Variants in PTPRT observed in about 807,000 individuals in gnomAD.
PTPRT encodes receptor-type tyrosine-protein phosphatase T.
Under a neutral mutation model 176.8 loss-of-function variants are expected in PTPRT, and 56 were observed. The observed-to-expected ratio is 0.32, with a 90% CI of 0.26 to 0.40. The LOEUF is 0.40. Ranked by LOEUF, PTPRT falls within the 10% of genes least tolerant of loss-of-function variation. PTPRT has a pLI of 1.00. For synonymous variants in PTPRT, 783 were observed against 739.0 expected (o/e 1.06, Z -0.96); for missense variants, 1,540 against 1,908.2 (o/e 0.81, Z 3.60).
At position 42,377,091 on chromosome 20, in the gene PTPRT, T is replaced by C. The variant is rs376996784; in HGVS notation, c.1561-24806A>G. On this transcript the variant is annotated intron_variant, in intron 9 of 30. Coordinates refer to ENST00000373187, the MANE Select transcript of PTPRT (RefSeq NM_007050.6). The stretch of plus-strand genomic sequence containing the variant: ...GCAATTACCTCCGTCCTTTGATAAC[T>C]TGGATAAATGCCATTTTCACCACTC... Among the ~76,000 whole-genome samples, 5 of 152,314 alleles carry C rather than the reference T, an allele frequency of 3.3e-5. No homozygotes were observed. The East Asian group carries it at 5.8e-4, about 18-fold the overall frequency.
intron 9 of PTPRT, among the ~76,000 whole-genome samples, chr20:42,433,270 C>A (rs1568873940): frequency 1.3e-5 from 2 of 152,124 alleles, no homozygotes; most frequent in African/African-American, 2.4e-5. Context: ...GGATTGGAAA[C>A]TGCAACATGC....
intron 1 of PTPRT, among the ~76,000 whole-genome samples, chr20:43,014,496 C>G (rs1985283285): frequency 6.6e-6 from 1 of 152,144 alleles, no homozygotes; most frequent in South Asian, 2.1e-4. Flanking sequence ...AGTGAGACAC[C>G]CAGTGACTTC....
At chr20:42,524,542 C>T (rs2072235218) in intron 7 of PTPRT, among the ~76,000 whole-genome samples, 1 of 152,176 alleles carries the variant, frequency 6.6e-6, no homozygotes, top group South Asian at 2.1e-4. Flanking sequence ...TATACATTTT[C>T]AGCCTCTTTG....
chr20:42,752,491 C>G (rs1318004968), intron 6 of PTPRT, among the ~76,000 whole-genome samples: 1 of 152,178 alleles, frequency 6.6e-6, no homozygotes, highest in African/African-American at 2.4e-5. Flanking sequence ...CTGCCCTGAA[C>G]TGGAACCAAA....
chr20:42,785,162 C>A (rs1179234567), intron 3 of PTPRT, among the ~76,000 whole-genome samples: 1 of 152,102 alleles, frequency 6.6e-6, no homozygotes, highest in East Asian at 1.9e-4. Flanking sequence ...AGTAAATAAA[C>A]AAACAAGCCC....
intron 2 of PTPRT, among the ~76,000 whole-genome samples, chr20:42,841,554 G>A (rs759053015): frequency 2.6e-5 from 4 of 151,378 alleles, no homozygotes; most frequent in Non-Finnish European, 5.9e-5. Context: ...AAAGGCTACA[G>A]ATAGCTTCAT....
chr20:42,570,926 A>G (rs2073142206), intron 7 of PTPRT, among the ~76,000 whole-genome samples: 1 of 148,926 alleles, frequency 6.7e-6, no homozygotes, highest in Non-Finnish European at 1.5e-5. Flanking sequence ...TCTGGGGATT[A>G]GAACACGGAC....
intron 1 of PTPRT, among the ~76,000 whole-genome samples, chr20:43,184,727 G>A (rs2015348059): frequency 6.6e-6 from 1 of 151,342 alleles, no homozygotes; most frequent in Non-Finnish European, 1.5e-5. Context: ...ATGCCTCACT[G>A]ACACCTCTTT....
chr20:42,432,784 T>C (rs902134637), intron 9 of PTPRT, among the ~76,000 whole-genome samples: 2 of 152,216 alleles, frequency 1.3e-5, no homozygotes, highest in South Asian at 2.1e-4. Context: ...AATCCACCTA[T>C]AACATATAAG....
At chr20:42,806,013 T>TC in intron 2 of PTPRT, among the ~76,000 whole-genome samples, 1 of 151,820 alleles carries the variant, frequency 6.6e-6, no homozygotes, top group Non-Finnish European at 1.5e-5. Context: ...ATTTTTTTTT[T>TC]TTTTTTTAAT....
intron 6 of PTPRT, among the ~76,000 whole-genome samples, chr20:42,689,207 T>G (rs943782337): frequency 2.0e-5 from 3 of 152,136 alleles, no homozygotes; most frequent in African/African-American, 7.2e-5. Flanking sequence ...AAGACCTTAG[T>G]GGGCACACAT....
At chr20:42,681,145 A>C (rs1473475078) in intron 6 of PTPRT, among the ~76,000 whole-genome samples, 3 of 152,362 alleles carry the variant, frequency 2.0e-5, no homozygotes, top group South Asian at 4.1e-4. Flanking sequence ...GCAGCACATT[A>C]TTTTAAAAAT....
At chr20:42,221,752 C>A (rs1426209561) in intron 15 of PTPRT, among the ~76,000 whole-genome samples, 5 of 152,152 alleles carry the variant, frequency 3.3e-5, no homozygotes, top group Admixed American at 2.6e-4. Context: ...TTCCTGACCT[C>A]AAGTGATCCA....
At position 42,111,291 on chromosome 20, in the gene PTPRT, C is replaced by CTGTT. The variant is rs557220797; in HGVS notation, c.3100-808_3100-805dup. Among the ~76,000 whole-genome samples the CTGTT allele has an allele frequency of 1.1e-3, 155 of 145,252 alleles. 1 individual carries two copies. Among genetic ancestry groups the CTGTT allele is most frequent in the African/African-American group, 3.9e-3 (151 of 38,662 alleles). On this transcript the variant is annotated intron_variant, in intron 22 of 30. Coordinates refer to ENST00000373187, the MANE Select transcript of PTPRT (RefSeq NM_007050.6). ...CCAGAGAACACTGAATAGGAAGAGTCTGTTTGATTATTCATTCATTCCTTC... is the reference window on the plus strand; with the variant it reads ...CCAGAGAACACTGAATAGGAAGAGTCTGTTTGTTTGATTATTCATTCATTCCTTC...
chr20:42,256,994 A>G (rs1431161103), intron 13 of PTPRT, among the ~76,000 whole-genome samples: 1 of 152,166 alleles, frequency 6.6e-6, no homozygotes, highest in Non-Finnish European at 1.5e-5. Flanking sequence ...AAAGTCTCCC[A>G]TTAGCCAAAT....
Position 43,189,633 on chromosome 20 carries a change from C to T in PTPRT, c.88+13G>A. 8.0e-7 allele frequency: 1 copy of T among 1,247,924 alleles called. No individual in the cohort carries two copies. Among genetic ancestry groups the T allele is most frequent in the Non-Finnish European group, 1.0e-6 (1 of 996,198 alleles). 77.3% of individuals were successfully genotyped at this position (1,247,924 alleles called of 1,614,324 possible). ...GAGCGGGGAGCCCAGGGGAGCCGGG[C>T]GGGCGCACTCACCTGCGGCGCTCTG... is the stretch of plus-strand genomic sequence containing the variant. On this transcript the variant is annotated intron_variant, in intron 1 of 30. Coordinates refer to ENST00000373187, the MANE Select transcript of PTPRT (RefSeq NM_007050.6). The surrounding 1 kb of genome is among the most constrained non-coding windows in gnomAD (Gnocchi z 5.0).
chr20:42,098,343 G>T (rs1985497299), intron 27 of PTPRT, 78 bp downstream of exon 27: 4 of 1,567,328 alleles, frequency 2.6e-6, no homozygotes, highest in Non-Finnish European at 3.5e-6. Flanking sequence ...GGCAGGCACC[G>T]GCTGTCAAGG....
intron 1 of PTPRT, among the ~76,000 whole-genome samples, chr20:43,083,351 T>TACATATATATATATAC (rs1555828987): frequency 8.7e-6 from 1 of 114,318 alleles, no homozygotes; most frequent in African/African-American, 3.4e-5. Flanking sequence ...TATATATATA[T>TACATATATATATATAC]ATATATATAT....
intron 1 of PTPRT, among the ~76,000 whole-genome samples, chr20:42,887,412 T>C (rs2079120653): frequency 1.3e-5 from 2 of 152,216 alleles, no homozygotes; most frequent in South Asian, 4.1e-4. Context: ...CTCGATCTTA[T>C]ACTTCCTAGT....
Sources: gnomAD v4.1 joint callset for allele counts (sites outside exome capture counted in the v4.1 genomes callset) on GRCh38, gnomAD v4.1.1 for gene constraint, Gnocchi (gnomAD v3.1) non-coding constraint, MANE v1.5 for transcripts, NCBI Gene and HGNC (gene_info 2026-07-23, HGNC 2026-07-21) for gene names.